Variants in NRG1 observed in about 807,000 individuals in gnomAD.
The protein encoded by NRG1 is pro-neuregulin-1, membrane-bound isoform.
NRG1 carries 18 observed loss-of-function variants against 63.8 expected under a neutral mutation model. The ratio of observed to expected loss-of-function variants is 0.28; its 90% confidence interval spans 0.19 to 0.42. The LOEUF (loss-of-function observed/expected upper bound fraction) is 0.42. Among genes scored for constraint, NRG1 ranks in the 10% least tolerant of loss-of-function variants. The pLI is 1.00. For missense variants in NRG1, 762 were observed against 814.7 expected, an observed-to-expected ratio of 0.94 and a Z score of 0.79; for synonymous variants, 302 against 301.3, an observed-to-expected ratio of 1.00 and a Z score of -0.02.
At chr8:32,773,767 T>C (rs182273759) in intron 7 of NRG1, among the ~76,000 whole-genome samples, 35 of 152,280 alleles carry the variant, frequency 2.3e-4, no homozygotes, top group Admixed American at 1.5e-3. Context: ...TGTGTCAATC[T>C]CCTGGTTACG....
chr8:31,893,100 T>C (rs1171973957), intron 1 of NRG1, among the ~76,000 whole-genome samples: 1 of 151,324 alleles, frequency 6.6e-6, no homozygotes, highest in Admixed American at 6.6e-5. Context: ...TGAGAGTGTA[T>C]GTATGATATA....
At chr8:32,104,079 A>G (rs1210933722) in intron 1 of NRG1, among the ~76,000 whole-genome samples, 1 of 152,216 alleles carries the variant, frequency 6.6e-6, no homozygotes, top group Non-Finnish European at 1.5e-5. Context: ...ATGCATTATT[A>G]GACTATTTTG....
At chr8:32,240,275 A>C (rs1847968330) in intron 1 of NRG1, among the ~76,000 whole-genome samples, 1 of 152,224 alleles carries the variant, frequency 6.6e-6, no homozygotes, top group South Asian at 2.1e-4. Flanking sequence ...TTTCAAGGGA[A>C]TTGTGCTAAC....
intron 1 of NRG1, among the ~76,000 whole-genome samples, chr8:32,027,460 C>G (rs1381291416): frequency 2.5e-5 from 3 of 121,108 alleles, no homozygotes; most frequent in African/African-American, 3.0e-5. Flanking sequence ...TTCCTTCCTT[C>G]CTTCCTTCCC....
chr8:32,218,356 T>C (rs1845463005), intron 1 of NRG1, among the ~76,000 whole-genome samples: 1 of 152,240 alleles, frequency 6.6e-6, no homozygotes, highest in South Asian at 2.1e-4. Flanking sequence ...CCATTTTCCA[T>C]ATGTCACTTT....
chr8:32,105,584 A>C (rs1585325813), intron 1 of NRG1, among the ~76,000 whole-genome samples: 1 of 152,120 alleles, frequency 6.6e-6, no homozygotes, highest in East Asian at 1.9e-4. Flanking sequence ...TTGGGTGGGG[A>C]CACAGCTAAA....
chr8:31,702,608 A>C (rs1302747655), intron 1 of NRG1, among the ~76,000 whole-genome samples: 1 of 152,098 alleles, frequency 6.6e-6, no homozygotes, highest in Non-Finnish European at 1.5e-5. Context: ...TAATGGCTAC[A>C]AGCATGCTTA....
At chr8:32,749,190 T>TA (rs980694893) in intron 7 of NRG1, 1 of 184,966 alleles carries the variant, frequency 5.4e-6, no homozygotes, top group Non-Finnish European at 1.1e-5. Context: ...TTCTGCCTTT[T>TA]AAAAAAAGGA....
intron 7 of NRG1, among the ~76,000 whole-genome samples, chr8:32,750,066 G>A (rs1828378661): frequency 6.6e-6 from 1 of 152,172 alleles, no homozygotes; most frequent in Admixed American, 6.6e-5. Context: ...GCAATGTAAT[G>A]TATATAGAAA....
intron 1 of NRG1, among the ~76,000 whole-genome samples, chr8:32,046,078 A>C (rs972898255): frequency 6.6e-6 from 1 of 151,932 alleles, no homozygotes; most frequent in African/African-American, 2.4e-5. Flanking sequence ...TATATTTGAA[A>C]ACTCTTAAAA....
chr8:31,662,743 G>A (rs939032287), intron 1 of NRG1, among the ~76,000 whole-genome samples: 1 of 152,166 alleles, frequency 6.6e-6, no homozygotes, highest in African/African-American at 2.4e-5. Context: ...TTCATCATCT[G>A]CACTTGGATG....
At chr8:32,593,292 G>C (rs1185291872) in intron 1 of NRG1, among the ~76,000 whole-genome samples, 2 of 152,168 alleles carry the variant, frequency 1.3e-5, no homozygotes, top group African/African-American at 4.8e-5. Context: ...ATAAATTAAT[G>C]AGGCAATGTA....
At chr8:31,940,663 A>G (rs1343245089) in intron 1 of NRG1, among the ~76,000 whole-genome samples, 2 of 152,164 alleles carry the variant, frequency 1.3e-5, no homozygotes, top group Non-Finnish European at 2.9e-5. Flanking sequence ...GAGATTAACC[A>G]AGAAAAGAAG....
chr8:32,190,060 T>A (rs1005029085), intron 1 of NRG1, among the ~76,000 whole-genome samples: 1 of 152,124 alleles, frequency 6.6e-6, no homozygotes, highest in Non-Finnish European at 1.5e-5. Flanking sequence ...AGTAATTTAT[T>A]TGAATAAACA....
At chr8:32,449,235 T>C (rs1820663293) in intron 1 of NRG1, among the ~76,000 whole-genome samples, 2 of 152,022 alleles carry the variant, frequency 1.3e-5, no homozygotes, top group African/African-American at 4.8e-5. Flanking sequence ...AGTTTAGGGC[T>C]GCAATGAGAT....
chr8:31,690,221 C>T (rs1809349272), intron 1 of NRG1, among the ~76,000 whole-genome samples: 1 of 129,148 alleles, frequency 7.7e-6, no homozygotes, highest in Non-Finnish European at 1.7e-5. Context: ...CCTAGCCATG[C>T]TGAACTGTGA....
chr8:32,487,310 A>G (rs563522477), intron 1 of NRG1, among the ~76,000 whole-genome samples: 1 of 152,318 alleles, frequency 6.6e-6, no homozygotes, highest in South Asian at 2.1e-4. Flanking sequence ...CTATTGCTCA[A>G]TTTCTACACC....
intron 1 of NRG1, among the ~76,000 whole-genome samples, chr8:32,459,491 C>T (rs897785710): frequency 6.6e-6 from 1 of 151,618 alleles, no homozygotes; most frequent in African/African-American, 2.4e-5. Flanking sequence ...TATGATTTAG[C>T]CAAGTGTGGT....
At chr8:32,200,651 A>G (rs142231932) in intron 1 of NRG1, among the ~76,000 whole-genome samples, 35 of 152,290 alleles carry the variant, frequency 2.3e-4, no homozygotes, top group African/African-American at 7.2e-4. Context: ...GCTTATCACA[A>G]GGGGATCAGA....
Sources: gnomAD v4.1 joint callset for allele counts (sites outside exome capture counted in the v4.1 genomes callset) on GRCh38, gnomAD v4.1.1 for gene constraint, MANE v1.5 for transcripts, NCBI Gene and HGNC (gene_info 2026-07-23, HGNC 2026-07-21) for gene names.